ORC4: variants seen among roughly 807,000 people sequenced by gnomAD.
The protein encoded by ORC4 is origin recognition complex, subunit 4 homolog.
ORC4 carries 55 observed loss-of-function variants against 63.9 expected under a neutral mutation model. That is an observed-to-expected ratio of 0.86 (90% CI 0.69 to 1.08). The LOEUF (loss-of-function observed/expected upper bound fraction) is 1.08, where lower values mean the gene tolerates loss of function less well. Ranked by LOEUF, ORC4 falls within the 50% of genes least tolerant of loss-of-function variation. The pLI is 0.00. For synonymous variants in ORC4, 150 were observed against 168.5 expected, an observed-to-expected ratio of 0.89 and a Z score of 0.85; for missense variants, 511 against 504.4, an observed-to-expected ratio of 1.01 and a Z score of -0.13.
intron 4 of ORC4, among the ~76,000 whole-genome samples, chr2:147,959,715 T>TA (rs574670236): frequency 1.1e-4 from 16 of 152,038 alleles, no homozygotes; most frequent in African/African-American, 3.4e-4. Context: ...ACAACAAAAA[T>TA]AAAAAAAATT....
intron 5 of ORC4, 26 bp downstream of exon 5, chr2:147,958,765 C>G (rs778405528): frequency 5.6e-5 from 64 of 1,141,244 alleles, no homozygotes; most frequent in Non-Finnish European, 8.2e-5. Context: ...ACATAATCTC[C>G]AATGGCAAAA....
chr2:148,013,088 A>G (rs1693071978), intron 1 of ORC4, among the ~76,000 whole-genome samples: 1 of 152,214 alleles, frequency 6.6e-6, no homozygotes, highest in African/African-American at 2.4e-5. Context: ...TACTGTGTAT[A>G]TACCCAAGAG....
intron 1 of ORC4, among the ~76,000 whole-genome samples, chr2:147,989,796 G>GT (rs1691471451): frequency 6.6e-6 from 1 of 152,128 alleles, no homozygotes; most frequent in African/African-American, 2.4e-5. Context: ...GTTTTTCTTA[G>GT]TTTGGAATAA....
intron 1 of ORC4, among the ~76,000 whole-genome samples, chr2:147,997,667 G>GCTTAAAAAGA (rs1692052692): frequency 6.6e-6 from 1 of 151,982 alleles, no homozygotes; most frequent in Non-Finnish European, 1.5e-5. Flanking sequence ...TAAAAACATA[G>GCTTAAAAAGA]CTTAAAAAGA....
chr2:147,946,295 G>GA (rs143757316), intron 9 of ORC4, among the ~76,000 whole-genome samples: 21,806 of 146,334 alleles, frequency 0.15, 1,756 homozygotes, highest in Middle Eastern at 0.22. Flanking sequence ...AGCAGGTATG[G>GA]AAAAAAAAAA....
At chr2:147,971,896 T>C (rs1690235473) in intron 4 of ORC4, among the ~76,000 whole-genome samples, 1 of 152,098 alleles carries the variant, frequency 6.6e-6, no homozygotes, top group African/African-American at 2.4e-5. Context: ...TCAGATGTGA[T>C]AACAGTAAAA....
chr2:147,974,807 TA>T (rs35378474), intron 2 of ORC4, among the ~76,000 whole-genome samples: 39,520 of 119,874 alleles, frequency 0.33, 6,215 homozygotes, highest in African/African-American at 0.45. Flanking sequence ...ATCTTTTCCT[TA>T]AAAAAAAAAA....
chr2:147,937,897 G>C (rs561845409), intron 13 of ORC4: 8 of 548,258 alleles, frequency 1.5e-5, no homozygotes, highest in South Asian at 1.3e-4. Flanking sequence ...ACACTATACT[G>C]AATAGTTGTT....
chr2:147,969,457 C>A (rs2603597), intron 4 of ORC4, among the ~76,000 whole-genome samples: 2 of 151,730 alleles, frequency 1.3e-5, no homozygotes, highest in Non-Finnish European at 2.9e-5. Flanking sequence ...TAATTACTAC[C>A]TAAAATGACT....
intron 4 of ORC4, among the ~76,000 whole-genome samples, chr2:147,963,528 T>C (rs1312985538): frequency 6.6e-6 from 1 of 152,166 alleles, no homozygotes; most frequent in South Asian, 2.1e-4. Flanking sequence ...CGAGGAACTG[T>C]ATCCCTACAC....
chr2:147,963,100 C>A (rs139807271), intron 4 of ORC4, among the ~76,000 whole-genome samples: 5,182 of 152,250 alleles, frequency 0.034, 121 homozygotes, highest in Middle Eastern at 0.088. Flanking sequence ...ACAGCACAGC[C>A]TCCCTATAAC....
chr2:147,992,141 TG>T (rs1691653056), intron 1 of ORC4, among the ~76,000 whole-genome samples: 1 of 152,256 alleles, frequency 6.6e-6, no homozygotes, highest in African/African-American at 2.4e-5. Context: ...CAGTAGTCTA[TG>T]TTCTCTGAGC....
At chr2:148,001,102 G>GT (rs751858391) in intron 1 of ORC4, among the ~76,000 whole-genome samples, 3 of 152,020 alleles carry the variant, frequency 2.0e-5, no homozygotes, top group Non-Finnish European at 4.4e-5. Flanking sequence ...AGCCTTCCTG[G>GT]GATTAAGCAA....
intron 4 of ORC4, among the ~76,000 whole-genome samples, chr2:147,967,180 A>G (rs1689943284): frequency 6.6e-6 from 1 of 152,092 alleles, no homozygotes; most frequent in Non-Finnish European, 1.5e-5. Flanking sequence ...GAAAAAAAAC[A>G]CCACAACACA....
chr2:147,991,013 T>TAC (rs1183918192), intron 1 of ORC4, among the ~76,000 whole-genome samples: 4 of 151,760 alleles, frequency 2.6e-5, no homozygotes, highest in African/African-American at 9.7e-5. Flanking sequence ...TACATATATA[T>TAC]ACACACATAT....
Position 147,952,373 on chromosome 2 carries a change from C to T in ORC4, c.588G>A (p.Leu196=). 1 of 1,593,746 alleles carries T rather than the reference C, an allele frequency of 6.3e-7. No individual in the cohort carries two copies. Among genetic ancestry groups the T allele is most frequent in the Non-Finnish European group, 8.6e-7 (1 of 1,163,728 alleles). The part of the protein sequence containing the change: ...PIAVIGLTCR[L]DILELLEKRV... The stretch of plus-strand genomic sequence containing the variant: ...TTTTTTAATGAACAGAAAGACTTAC[C>T]AATCTACATGTAAGACCAATAACTG... Residue 196 remains leucine, a splice_region_variant and synonymous_variant, in exon 8 of 14, where the codon TTG becomes TTA. Transcript: ENST00000392857.
At chr2:148,021,402 T>C, upstream of ORC4, 1 of 480,394 alleles carries the variant, frequency 2.1e-6, no homozygotes, top group East Asian at 5.9e-5. Flanking sequence ...TCTTTGGCCG[T>C]GAGAGGAGGA....
intron 4 of ORC4, 67 bp downstream of exon 4, chr2:147,972,668 GAATT>G: frequency 1.4e-6 from 1 of 728,162 alleles, no homozygotes. Flanking sequence ...ATTTATATAT[GAATT>G]TATTTATTCT....
intron 1 of ORC4, among the ~76,000 whole-genome samples, chr2:148,011,720 A>T (rs923068130): frequency 6.6e-6 from 1 of 152,148 alleles, no homozygotes; most frequent in African/African-American, 2.4e-5. Context: ...TAACCTAAAG[A>T]CTCCAACAAA....
Sources: gnomAD v4.1 joint callset for allele counts (sites outside exome capture counted in the v4.1 genomes callset) on GRCh38, gnomAD v4.1.1 for gene constraint, MANE v1.5 for transcripts, NCBI Gene and HGNC (gene_info 2026-07-23, HGNC 2026-07-21) for gene names.